Variants in IL1RAPL1 observed in about 807,000 individuals in gnomAD.
IL1RAPL1 encodes the protein interleukin 1 receptor accessory protein like 1, also known as interleukin-1 receptor accessory protein-like 1.
In IL1RAPL1, 3 loss-of-function variants were observed where a neutral mutation model predicts 48.4. The observed-to-expected ratio is 0.06, with a 90% confidence interval of 0.03 to 0.16. The LOEUF is 0.16. IL1RAPL1 is among the 10% of genes least tolerant of loss of function. The probability of loss-of-function intolerance (pLI) is 1.00; values close to 1 mark genes in which losing one functional copy is unlikely to be tolerated. For missense variants in IL1RAPL1, 349 were observed against 530.6 expected, an observed-to-expected ratio of 0.66 and a Z score of 3.36; for synonymous variants, 185 against 187.7, an observed-to-expected ratio of 0.99 and a Z score of 0.12.
In IL1RAPL1 at chrX:29,955,464, G is replaced by A; in HGVS notation, c.1735G>A (p.Gly579Arg). The change falls in exon 11 of 11, where the codon GGG becomes AGG. Residue 579 changes from glycine to arginine, a missense_variant. Physicochemically the swap from Gly to Arg is moderately radical, Grantham distance 125. Transcript: ENST00000378993. ...HEQALDVSEQ[G>R]PFGELQTVSA... ...GCAGGCTTTAGATGTCAGTGAGCAAGGGCCTTTTGGGGAGCTGCAGACTGT... is the reference window on the plus strand; with the variant it reads ...GCAGGCTTTAGATGTCAGTGAGCAAAGGCCTTTTGGGGAGCTGCAGACTGT... The A allele has an allele frequency of 1.7e-6, 2 of 1,211,349 alleles. No individual in the cohort carries two copies. Among genetic ancestry groups the A allele is most frequent in the Non-Finnish European group, 2.2e-6 (2 of 895,379 alleles).
At chrX:29,355,888 AC>A (rs1344279091) in intron 3 of IL1RAPL1, among the ~76,000 whole-genome samples, 1 of 105,836 alleles carries the variant, frequency 9.4e-6, no homozygotes, top group Non-Finnish European at 2.0e-5. Flanking sequence ...GTAAAAAAAA[AC>A]ATTTTTTGTT....
At chrX:29,911,970 A>T (rs1932759613) in intron 6 of IL1RAPL1, among the ~76,000 whole-genome samples, 1 of 112,505 alleles carries the variant, frequency 8.9e-6, no homozygotes, top group Admixed American at 9.4e-5. Context: ...TTTCCACCAT[A>T]CGGATACTAT....
chrX:29,631,515 G>A lies in IL1RAPL1; in HGVS notation c.704-36915G>A, dbSNP rs148439600. Among the ~76,000 whole-genome samples, 309 of 111,974 alleles carry A rather than the reference G, an allele frequency of 2.8e-3. 1 individual carries two copies. Among genetic ancestry groups the A allele is most frequent in the African/African-American group, 9.1e-3 (280 of 30,860 alleles). On this transcript the variant is annotated intron_variant, in intron 5 of 10. Coordinates refer to ENST00000378993, the MANE Select transcript of IL1RAPL1 (RefSeq NM_014271.4). ...AGGCTGGGCTCGAACTCCTGGGTTC[G>A]GGCATTCTGCCTGCCTCGGCCCCCA...
rs1340996233 is a variant in IL1RAPL1, at chrX:29,111,964, C to T, written c.83-170974C>T. ...TTTTTTTTTGAGACGGCGTCTCACT[C>T]TGTCACCCAGGCTGGAGTACAGTGG... On this transcript the variant is annotated intron_variant, in intron 2 of 10. Coordinates refer to ENST00000378993, the MANE Select transcript of IL1RAPL1 (RefSeq NM_014271.4). Among the ~76,000 whole-genome samples the T allele has an allele frequency of 6.0e-5, 5 of 83,462 alleles. No individual in the cohort carries two copies. The South Asian group carries it at 3.2e-3, about 53-fold the overall frequency. 72.5% of individuals were successfully genotyped at this position (83,462 alleles called of 115,157 possible). A position where few individuals can be genotyped will look rare whatever the true frequency, so the allele number is the denominator to read the frequency against.
chrX:29,592,736 C>A (rs2147057246), intron 5 of IL1RAPL1, among the ~76,000 whole-genome samples: 1 of 109,094 alleles, frequency 9.2e-6, no homozygotes, highest in South Asian at 4.2e-4. Context: ...AGCTTCACCC[C>A]AACTGCCAGC....
chrX:29,198,493 A>G (rs1048204274), intron 2 of IL1RAPL1, among the ~76,000 whole-genome samples: 2 of 109,163 alleles, frequency 1.8e-5, no homozygotes, highest in South Asian at 8.1e-4. Context: ...ACGGAGTTTC[A>G]CCATGTTGGC....
intron 1 of IL1RAPL1, among the ~76,000 whole-genome samples, chrX:28,628,848 A>AT (rs1351727251): frequency 8.9e-6 from 1 of 111,877 alleles, no homozygotes; most frequent in Non-Finnish European, 1.9e-5. Context: ...GACGGGTTTT[A>AT]TTTTTTATCT....
At chrX:28,608,461 A>G (rs1475169360) in intron 1 of IL1RAPL1, among the ~76,000 whole-genome samples, 1 of 112,340 alleles carries the variant, frequency 8.9e-6, no homozygotes, top group East Asian at 2.8e-4. Context: ...TTGGATTACA[A>G]TAAATTCTAA....
chrX:29,127,039 A>T (rs1215794991), intron 2 of IL1RAPL1, among the ~76,000 whole-genome samples: 1 of 111,637 alleles, frequency 9.0e-6, no homozygotes. Flanking sequence ...TGTACAGTAT[A>T]ATACATGGAT....
rs931370880 is a variant in IL1RAPL1 at position 29,240,423 on chromosome X, C to T, written c.83-42515C>T. Among the ~76,000 whole-genome samples the T allele has an allele frequency of 5.7e-5, 6 of 104,912 alleles. No homozygotes were observed. In the South Asian group the frequency reaches 1.7e-3, roughly 30 times the overall value. 91.1% of individuals were successfully genotyped at this position (104,912 alleles called of 115,157 possible). On this transcript the variant is annotated intron_variant, in intron 2 of 10. Transcript: ENST00000378993. The stretch of plus-strand genomic sequence containing the variant: ...CTAATTTTTGTATTTTTAGTAGAGA[C>T]GGGGTTTCATCATGTTGGCCAGGCT...
At chrX:28,604,076 T>C (rs765538930) in intron 1 of IL1RAPL1, among the ~76,000 whole-genome samples, 35 of 112,623 alleles carry the variant, frequency 3.1e-4, no homozygotes, top group African/African-American at 1.1e-3. Flanking sequence ...AAGCCTACAG[T>C]TAGATGGCAC....
intron 1 of IL1RAPL1, among the ~76,000 whole-genome samples, chrX:28,647,811 G>C (rs181809509): frequency 1.8e-4 from 20 of 111,715 alleles, no homozygotes; most frequent in Non-Finnish European, 2.3e-4. Flanking sequence ...CAAGCATCTA[G>C]GTTATTTTGG....
At chrX:29,217,201 A>G (rs1238805390) in intron 2 of IL1RAPL1, among the ~76,000 whole-genome samples, 1 of 112,232 alleles carries the variant, frequency 8.9e-6, no homozygotes, top group Non-Finnish European at 1.9e-5. Flanking sequence ...ACATGATTGA[A>G]TTGTTTATTT....
At chrX:28,620,496 G>A (rs746999487) in intron 1 of IL1RAPL1, among the ~76,000 whole-genome samples, 2 of 111,194 alleles carry the variant, frequency 1.8e-5, no homozygotes, top group Non-Finnish European at 3.8e-5. Context: ...TCTGGGCGAT[G>A]GTGAGGAAGA....
chrX:29,836,284 G>A (rs147588117), intron 6 of IL1RAPL1, among the ~76,000 whole-genome samples: 1,684 of 106,266 alleles, frequency 0.016, 42 homozygotes, highest in African/African-American at 0.053. Context: ...TCCATCTCCC[G>A]GGTTCAAGCC....
chrX:29,834,995 C>T (rs1930960934), intron 6 of IL1RAPL1, among the ~76,000 whole-genome samples: 1 of 112,070 alleles, frequency 8.9e-6, no homozygotes, highest in African/African-American at 3.2e-5. Flanking sequence ...GCTTATTTCA[C>T]ATCCCCTTGG....
chrX:29,360,032 A>G (rs1222843504), intron 3 of IL1RAPL1, among the ~76,000 whole-genome samples: 1 of 111,412 alleles, frequency 9.0e-6, no homozygotes. Flanking sequence ...GGGGGTGGGG[A>G]GCTCACCAAT....
intron 5 of IL1RAPL1, among the ~76,000 whole-genome samples, chrX:29,642,327 A>G (rs1925192751): frequency 8.9e-6 from 1 of 111,985 alleles, no homozygotes; most frequent in Admixed American, 9.5e-5. Flanking sequence ...AGTGAGAGGG[A>G]TAGTTTTGTT....
intron 6 of IL1RAPL1, among the ~76,000 whole-genome samples, chrX:29,703,758 C>T (rs1157142808): frequency 3.6e-5 from 4 of 112,146 alleles, no homozygotes; most frequent in East Asian, 2.8e-4. Flanking sequence ...AACCATGAAA[C>T]GAAGTTTACT....
Sources: gnomAD v4.1 joint callset for allele counts (sites outside exome capture counted in the v4.1 genomes callset) on GRCh38, gnomAD v4.1.1 for gene constraint, MANE v1.5 for transcripts, NCBI Gene and HGNC (gene_info 2026-07-23, HGNC 2026-07-21) for gene names.